The following TRPM3 variants were observed in gnomAD, a reference collection of about 807,000 sequenced individuals.
The protein encoded by TRPM3 is transient receptor potential cation channel subfamily M member 3, also known as long transient receptor potential channel 3.
A neutral mutation model predicts 181.2 loss-of-function variants in TRPM3; 77 were observed. The ratio of observed to expected loss-of-function variants is 0.42; its 90% CI spans 0.35 to 0.51. TRPM3 has a LOEUF of 0.51. Ranked by LOEUF, TRPM3 falls within the 20% of genes least tolerant of loss-of-function variation. TRPM3 has a pLI of 0.01. For synonymous variants in TRPM3, 745 were observed against 796.4 expected, an observed-to-expected ratio of 0.94 and a Z score of 1.09; for missense variants, 1,759 against 2,196.7, an observed-to-expected ratio of 0.80 and a Z score of 3.98.
chr9:70,761,915 ACTCTCT>A (rs1300596951), intron 7 of TRPM3, among the ~76,000 whole-genome samples, 191 bp from the exon 8 acceptor site: 11 of 152,100 alleles, frequency 7.2e-5, no homozygotes, highest in Non-Finnish European at 8.8e-5. Context: ...AATCAATTTT[ACTCTCT>A]CAGAAACCAA....
rs143533416 is a variant in TRPM3 at position 71,358,619 on chromosome 9, A to G, written c.183+88034T>C. On this transcript the variant is annotated intron_variant, in intron 1 of 24. Coordinates refer to the TRPM3 transcript ENST00000357533. ...CTCTAACAAGATATTTCAAATTTCA[A>G]ACCCTAAATATAAAGGTGCTGGAAA... is the stretch of plus-strand genomic sequence containing the variant. Among the ~76,000 whole-genome samples the G allele has an allele frequency of 3.3e-5, 5 of 152,336 alleles. No individual in the cohort carries two copies. The East Asian group carries it at 9.6e-4, about 29-fold the overall frequency.
chr9:70,966,125 G>A (rs1397693279), intron 1 of TRPM3, among the ~76,000 whole-genome samples: 3 of 151,494 alleles, frequency 2.0e-5, no homozygotes, highest in Non-Finnish European at 4.4e-5. Context: ...CATACATGTG[G>A]CCAACAAGCA....
chr9:70,624,857 T>C (rs776721864), intron 14 of TRPM3, among the ~76,000 whole-genome samples: 1 of 152,242 alleles, frequency 6.6e-6, no homozygotes, highest in Non-Finnish European at 1.5e-5. Flanking sequence ...GATTCCTATG[T>C]TTAACTTAAA....
chr9:70,555,908 T>C (rs1318949585), intron 22 of TRPM3, among the ~76,000 whole-genome samples: 2 of 152,204 alleles, frequency 1.3e-5, no homozygotes, highest in East Asian at 1.9e-4. Context: ...ACTTACATGA[T>C]TTTTACAAAT....
At chr9:71,043,172 G>A (rs1211614132) in intron 1 of TRPM3, among the ~76,000 whole-genome samples, 1 of 152,206 alleles carries the variant, frequency 6.6e-6, no homozygotes, top group Non-Finnish European at 1.5e-5. Flanking sequence ...CTAAAAGGCT[G>A]TCTGACATAT....
chr9:71,107,373 G>A (rs940800943), intron 1 of TRPM3, among the ~76,000 whole-genome samples: 9 of 152,174 alleles, frequency 5.9e-5, no homozygotes, highest in Non-Finnish European at 1.0e-4. Flanking sequence ...CTCAGCTCAA[G>A]GGTTATCTTT....
chr9:70,668,467 A>G (rs2062191746), intron 9 of TRPM3, among the ~76,000 whole-genome samples: 1 of 152,064 alleles, frequency 6.6e-6, no homozygotes. Flanking sequence ...GATCGAGACC[A>G]TCCTGGCTAA....
intron 1 of TRPM3, among the ~76,000 whole-genome samples, chr9:71,027,912 A>AACTTC (rs2056783821): frequency 6.6e-6 from 1 of 152,176 alleles, no homozygotes; most frequent in African/African-American, 2.4e-5. Context: ...CAGCCATGAA[A>AACTTC]ACTTCCCCAA....
chr9:70,998,307 C>A (rs1656533903), intron 1 of TRPM3, among the ~76,000 whole-genome samples: 1 of 149,022 alleles, frequency 6.7e-6, no homozygotes, highest in Non-Finnish European at 1.5e-5. Context: ...CCTCTTTTAC[C>A]AAATTTTCTT....
chr9:71,011,075 A>T (rs1433290249), intron 1 of TRPM3, among the ~76,000 whole-genome samples: 1 of 152,082 alleles, frequency 6.6e-6, no homozygotes, highest in Non-Finnish European at 1.5e-5. Flanking sequence ...GACAAACACT[A>T]CATGTTCTCA....
chr9:71,008,082 G>A (rs2097698885), intron 1 of TRPM3, among the ~76,000 whole-genome samples: 1 of 151,706 alleles, frequency 6.6e-6, no homozygotes, highest in Non-Finnish European at 1.5e-5. Flanking sequence ...AGAGATGAAG[G>A]AGACATTACA....
chr9:70,961,729 T>C (rs1022968958), intron 1 of TRPM3, among the ~76,000 whole-genome samples: 4 of 152,190 alleles, frequency 2.6e-5, no homozygotes, highest in East Asian at 1.9e-4. Context: ...GCTTATGTCA[T>C]ATTATTTTCT....
intron 1 of TRPM3, among the ~76,000 whole-genome samples, chr9:71,241,284 G>A (rs1363347164): frequency 6.6e-6 from 1 of 151,994 alleles, no homozygotes; most frequent in Non-Finnish European, 1.5e-5. Context: ...AAGCTTTTCT[G>A]GCTTATGCAC....
intron 9 of TRPM3, among the ~76,000 whole-genome samples, chr9:70,648,723 A>C (rs1016318483): frequency 1.3e-5 from 2 of 152,146 alleles, no homozygotes; most frequent in African/African-American, 4.8e-5. Context: ...TGACAAAGTC[A>C]ACACTAACAA....
In TRPM3 at chr9:70,689,881, G is replaced by A. The variant is rs2068018264; in HGVS notation, c.1273-8303C>T. 3.9e-5 allele frequency among the ~76,000 whole-genome samples: 6 copies of A among 152,148 alleles called. No individual in the cohort carries two copies. In the South Asian group the frequency reaches 1.2e-3, roughly 31 times the overall value. On this transcript the variant is annotated intron_variant, in intron 8 of 25. Coordinates refer to ENST00000677713, the MANE Select transcript of TRPM3 (RefSeq NM_001366145.2). Reference sequence around the variant, plus strand: ...ACCTAAATAACAAGACATAGTATATGTGGCTGAGTTAGTCACAGACTTTCC... The same window carrying A: ...ACCTAAATAACAAGACATAGTATATATGGCTGAGTTAGTCACAGACTTTCC...
rs1180029826 is a variant in TRPM3, at chr9:70,862,947, G to A, written c.423C>T (p.Thr141=). 3 of 1,613,574 alleles carry A rather than the reference G, an allele frequency of 1.9e-6. No homozygotes were observed. Among genetic ancestry groups the A allele is most frequent in the Non-Finnish European group, 2.5e-6 (3 of 1,179,654 alleles). Residue 141 remains threonine (T), a synonymous_variant, in exon 3 of 26, where the codon ACC becomes ACT. Coordinates refer to ENST00000677713, the MANE Select transcript of TRPM3 (RefSeq NM_001366145.2). ...TQLSPTDAFG[T]IEFQGGGHSN... ...AATGGCCACCTCCTTGGAACTCAAT[G>A]GTCCCAAAAGCATCCGTAGGGCTGA... is the stretch of plus-strand genomic sequence containing the variant.
chr9:71,277,974 A>T (rs924831), intron 1 of TRPM3, among the ~76,000 whole-genome samples: 147,350 of 152,200 alleles, frequency 0.97, 71,444 homozygotes, highest in East Asian at 1. Context: ...TTATAAAGAG[A>T]GTGGGACAGC....
At chr9:71,026,783 G>A (rs925398586) in intron 1 of TRPM3, among the ~76,000 whole-genome samples, 4 of 152,180 alleles carry the variant, frequency 2.6e-5, no homozygotes, top group Non-Finnish European at 5.9e-5. Context: ...TGTGCACAGA[G>A]GGAGCACACA....
intron 1 of TRPM3, among the ~76,000 whole-genome samples, chr9:71,303,170 G>A (rs1253793045): frequency 1.3e-5 from 2 of 152,118 alleles, no homozygotes; most frequent in African/African-American, 4.8e-5. Context: ...CCTAAGAAAA[G>A]GAAAGGGACA....
Sources: gnomAD v4.1 joint callset for allele counts (sites outside exome capture counted in the v4.1 genomes callset) on GRCh38, gnomAD v4.1.1 for gene constraint, MANE v1.5 for transcripts, NCBI Gene and HGNC (gene_info 2026-07-23, HGNC 2026-07-21) for gene names.